Variants in PLA2R1 observed in about 807,000 individuals in gnomAD.
The protein encoded by PLA2R1 is secretory phospholipase A2 receptor.
A neutral mutation model predicts 195.9 loss-of-function variants in PLA2R1; 158 were observed. The ratio of observed to expected loss-of-function variants is 0.81; its 90% confidence interval spans 0.71 to 0.92. PLA2R1 has a LOEUF of 0.92. PLA2R1 is among the 40% of genes least tolerant of loss of function. PLA2R1 has a pLI of 0.00. For missense variants in PLA2R1, 1,626 were observed against 1,764.6 expected, an observed-to-expected ratio of 0.92 and a Z score of 1.41; for synonymous variants, 586 against 598.2, an observed-to-expected ratio of 0.98 and a Z score of 0.30.
intron 20 of PLA2R1, among the ~76,000 whole-genome samples, chr2:159,962,722 A>G (rs954092426): frequency 6.6e-6 from 1 of 152,254 alleles, no homozygotes. Flanking sequence ...GGATGAGTTC[A>G]TGTCCTTTGC....
intron 20 of PLA2R1, among the ~76,000 whole-genome samples, chr2:159,957,844 G>C (rs989340589): frequency 1.3e-5 from 2 of 152,286 alleles, no homozygotes; most frequent in South Asian, 4.1e-4. Context: ...CAAAATTCCA[G>C]AGAGGTCAGG....
At chr2:159,997,781 G>A (rs1274584568) in intron 11 of PLA2R1, among the ~76,000 whole-genome samples, 1 of 152,018 alleles carries the variant, frequency 6.6e-6, no homozygotes, top group African/African-American at 2.4e-5. Context: ...TCCAGTTTGG[G>A]GCAGCAGTGG....
intron 11 of PLA2R1, among the ~76,000 whole-genome samples, chr2:159,987,861 A>G (rs1305531224): frequency 6.6e-6 from 1 of 152,210 alleles, no homozygotes; most frequent in Non-Finnish European, 1.5e-5. Context: ...TGAATTCTCT[A>G]AATGAGGTAA....
At chr2:159,957,365 T>A (rs1688158628) in intron 20 of PLA2R1, among the ~76,000 whole-genome samples, 2 of 152,036 alleles carry the variant, frequency 1.3e-5, no homozygotes, top group African/African-American at 4.8e-5. Context: ...TCTTTTTAAA[T>A]TTTTTTTGAG....
intron 7 of PLA2R1, among the ~76,000 whole-genome samples, chr2:160,021,677 G>A (rs1355225395): frequency 1.3e-5 from 2 of 152,202 alleles, no homozygotes; most frequent in Non-Finnish European, 2.9e-5. Context: ...TGGGTACAAT[G>A]TTCACCATCC....
At chr2:160,027,686 T>G (rs1167526850) in intron 6 of PLA2R1, among the ~76,000 whole-genome samples, 1 of 152,176 alleles carries the variant, frequency 6.6e-6, no homozygotes, top group African/African-American at 2.4e-5. Context: ...AAAGAGGTTA[T>G]AGACCTGAAA....
rs561233936 is a variant in PLA2R1, at chr2:159,965,842, G to A, written c.2904+1697C>T. On this transcript the variant is annotated intron_variant, in intron 20 of 29. Coordinates refer to ENST00000283243, the MANE Select transcript of PLA2R1 (RefSeq NM_007366.5). ...GCTCTGGATTTGGGCCGTTCTAGTA[G>A]CTGTGCAGTGGCAAATCACTCATTG... Among the ~76,000 whole-genome samples the A allele has an allele frequency of 8.5e-5, 13 of 152,268 alleles. No individual in the cohort carries two copies. The East Asian group carries it at 2.1e-3, about 25-fold the overall frequency.
At chr2:159,948,480 C>T (rs57535252) in intron 25 of PLA2R1, among the ~76,000 whole-genome samples, 4,533 of 151,628 alleles carry the variant, frequency 0.03, 207 homozygotes, top group African/African-American at 0.1. Flanking sequence ...AGAGGTCCTC[C>T]TGCTTCTGCC....
rs759501982 is a variant in PLA2R1, at chr2:159,936,974, A to C, written c.*4804T>G. ...AGATGGGAATAAAAGGAGGTTTGTTATAACAATATCCCTCTATTACTTGAA... is the reference window on the plus strand; with the variant it reads ...AGATGGGAATAAAAGGAGGTTTGTTCTAACAATATCCCTCTATTACTTGAA... On this transcript the variant is annotated 3_prime_UTR_variant, in exon 30 of 30. Coordinates refer to ENST00000283243, the MANE Select transcript of PLA2R1 (RefSeq NM_007366.5). 2.0e-5 allele frequency: 3 copies of C among 152,264 alleles called. No individual in the cohort carries two copies. Among genetic ancestry groups the C allele is most frequent in the Non-Finnish European group, 4.4e-5 (3 of 68,042 alleles). The allele number at this position is 152,264 out of a possible 1,614,324, so 9.4% of individuals were successfully genotyped here.
intron 11 of PLA2R1, among the ~76,000 whole-genome samples, chr2:160,004,417 A>G (rs1200678650): frequency 6.6e-6 from 1 of 152,180 alleles, no homozygotes; most frequent in African/African-American, 2.4e-5. Context: ...GACTTTTGTA[A>G]TTATGAGAAA....
In PLA2R1 at chr2:160,041,712, A is replaced by G. The variant is rs550825355; in HGVS notation, c.667+313T>C. Reference sequence around the variant, plus strand: ...TATGCAATCAGGTTTGTTTTGAAGTATCCAGCCAAGAAGCTGGGATCAATG... The same window carrying G: ...TATGCAATCAGGTTTGTTTTGAAGTGTCCAGCCAAGAAGCTGGGATCAATG... On this transcript the variant is annotated intron_variant, in intron 3 of 29. Coordinates refer to ENST00000283243, the MANE Select transcript of PLA2R1 (RefSeq NM_007366.5). Among the ~76,000 whole-genome samples the G allele has an allele frequency of 2.3e-4, 35 of 152,376 alleles. 1 individual carries two copies. In the South Asian group the frequency reaches 4.8e-3, roughly 21 times the overall value.
At chr2:160,026,089 T>C (rs1402505780) in intron 6 of PLA2R1, among the ~76,000 whole-genome samples, 1 of 152,234 alleles carries the variant, frequency 6.6e-6, no homozygotes, top group Non-Finnish European at 1.5e-5. Flanking sequence ...ATAACCATTT[T>C]ACTATCTATA....
chr2:160,011,666 G>C (rs1284383674), intron 10 of PLA2R1, among the ~76,000 whole-genome samples: 1 of 152,180 alleles, frequency 6.6e-6, no homozygotes, highest in African/African-American at 2.4e-5. Flanking sequence ...ATTAACAAAA[G>C]AGCGTATAGC....
intron 11 of PLA2R1, among the ~76,000 whole-genome samples, chr2:160,003,723 T>C (rs554798941): frequency 3.3e-5 from 5 of 152,310 alleles, no homozygotes; most frequent in Admixed American, 1.3e-4. Context: ...CTCAGTAAGA[T>C]GTACACTTTT....
chr2:159,989,847 T>G (rs566405724), intron 11 of PLA2R1, among the ~76,000 whole-genome samples: 1 of 152,222 alleles, frequency 6.6e-6, no homozygotes, highest in Non-Finnish European at 1.5e-5. Context: ...AATATACTTT[T>G]TTGTTGGTCT....
intron 28 of PLA2R1, 66 bp from the exon 29 acceptor site, chr2:159,942,225 T>A: frequency 8.1e-7 from 1 of 1,237,400 alleles, no homozygotes; most frequent in Non-Finnish European, 1.2e-6. Flanking sequence ...TGTCATTACT[T>A]ACTCAGGGAT....
downstream of PLA2R1, among the ~76,000 whole-genome samples, chr2:159,927,215 T>C (rs2125895982): frequency 6.6e-6 from 1 of 152,322 alleles, no homozygotes; most frequent in African/African-American, 2.4e-5. Context: ...CCAATTGGAA[T>C]CTAAACTCAA....
At chr2:159,942,702 A>G (rs1307960487) in intron 28 of PLA2R1, among the ~76,000 whole-genome samples, 3 of 152,208 alleles carry the variant, frequency 2.0e-5, no homozygotes, top group Admixed American at 2.0e-4. Context: ...CTCCATCCAA[A>G]AAGTTAGAGA....
At chr2:159,947,588 G>T (rs1687469358) in intron 25 of PLA2R1, 29 bp from the exon 26 acceptor site, 2 of 1,608,296 alleles carry the variant, frequency 1.2e-6, no homozygotes, top group East Asian at 4.5e-5. Flanking sequence ...TATGATTTCA[G>T]GGTGGTGACT....
Sources: allele counts gnomAD v4.1 joint callset (sites outside exome capture counted in the v4.1 genomes callset), GRCh38; gene constraint gnomAD v4.1.1; transcripts MANE v1.5; gene names NCBI Gene and HGNC (gene_info 2026-07-23, HGNC 2026-07-21).